Variants in ITPR1 observed in about 807,000 individuals in gnomAD.
ITPR1 encodes inositol 1,4,5-trisphosphate receptor type 1, also known as inositol 1,4,5-trisphosphate-gated calcium channel ITPR1.
In ITPR1, 96 loss-of-function variants were observed where a neutral mutation model predicts 318.4. The ratio of observed to expected loss-of-function variants is 0.30; its 90% CI spans 0.26 to 0.36. The LOEUF (loss-of-function observed/expected upper bound fraction) is 0.36, where lower values mean the gene tolerates loss of function less well. Among genes scored for constraint, ITPR1 ranks in the 10% least tolerant of loss-of-function variants. The pLI is 1.00. For synonymous variants in ITPR1, 1,312 were observed against 1,289.9 expected (o/e 1.02, Z -0.37); for missense variants, 2,440 against 3,460.2 (o/e 0.71, Z 7.40).
chr3:4,600,911 C>T (rs1009598278), intron 4 of ITPR1, among the ~76,000 whole-genome samples: 1 of 152,114 alleles, frequency 6.6e-6, no homozygotes, highest in African/African-American at 2.4e-5. Context: ...GACAGCACAC[C>T]ATGATTTTTG....
At chr3:4,674,914 T>C (rs2094153918) in intron 22 of ITPR1, among the ~76,000 whole-genome samples, 154 bp from the exon 23 acceptor site, 1 of 151,562 alleles carries the variant, frequency 6.6e-6, no homozygotes, top group African/African-American at 2.4e-5. Context: ...TGAAACAAAA[T>C]GAAAATTTAT....
intron 4 of ITPR1, among the ~76,000 whole-genome samples, chr3:4,542,661 A>G: frequency 8.4e-6 from 1 of 119,596 alleles, no homozygotes. Flanking sequence ...ATTGCATTGA[A>G]GCTGTAGCTT....
chr3:4,598,419 A>G (rs898732688), intron 4 of ITPR1, among the ~76,000 whole-genome samples: 1 of 152,178 alleles, frequency 6.6e-6, no homozygotes, highest in African/African-American at 2.4e-5. Flanking sequence ...CAGAAGTTTG[A>G]GACCAGCCTG....
chr3:4,748,156 A>G (rs1265827913), intron 44 of ITPR1, among the ~76,000 whole-genome samples: 1 of 152,200 alleles, frequency 6.6e-6, no homozygotes, highest in Non-Finnish European at 1.5e-5. Context: ...GTCTTACCCA[A>G]AGTCACCCAG....
chr3:4,531,975 G>T (rs1336990858), intron 4 of ITPR1, among the ~76,000 whole-genome samples: 1 of 152,172 alleles, frequency 6.6e-6, no homozygotes, highest in African/African-American at 2.4e-5. Flanking sequence ...CTGGAAAATG[G>T]GGAAATTATT....
Position 4,702,957 on chromosome 3 carries a change from T to C in ITPR1, c.4657+7T>C. 6.2e-7 allele frequency: 1 copy of C among 1,613,308 alleles called. No individual in the cohort carries two copies. The highest frequency in any genetic ancestry group is 8.5e-7 in the Non-Finnish European group (1 of 1,179,358). ...CGGGTGCTGTCTGATGTAGGTAAGA[T>C]ACCAAGTCAGTTTGGATATACGTGA... On this transcript the variant is annotated splice_region_variant and intron_variant, in intron 36 of 61. Transcript: ENST00000649015.
chr3:4,799,710 C>T (rs534485235), intron 53 of ITPR1: 20 of 152,126 alleles, frequency 1.3e-4, no homozygotes, highest in Admixed American at 4.6e-4. Context: ...ATAACCAAGC[C>T]GTCTCGTGGG....
At chr3:4,652,847 G>T (rs2093626230) in intron 11 of ITPR1, among the ~76,000 whole-genome samples, 1 of 152,106 alleles carries the variant, frequency 6.6e-6, no homozygotes, top group African/African-American at 2.4e-5. Flanking sequence ...AATTAGCCAG[G>T]TGTGGTGGTG....
chr3:4,727,185 T>C lies in ITPR1; in HGVS notation c.5220+12T>C. The C allele has an allele frequency of 6.3e-7, 1 of 1,584,118 alleles. No individual in the cohort carries two copies. The highest frequency in any genetic ancestry group is 8.6e-7 in the Non-Finnish European group (1 of 1,169,568). ...AAGACCATAAAAGGGTACGTAGTCT[T>C]GAGTCTTGGGTATCGGGAGCTAATG... is the stretch of plus-strand genomic sequence containing the variant. On this transcript the variant is annotated intron_variant, in intron 42 of 61. Coordinates refer to ENST00000649015, the MANE Select transcript of ITPR1 (RefSeq NM_001378452.1).
intron 32 of ITPR1, among the ~76,000 whole-genome samples, chr3:4,693,080 C>T (rs549057087): frequency 2.0e-5 from 3 of 152,184 alleles, no homozygotes; most frequent in East Asian, 1.9e-4. Context: ...GCCGAGATCA[C>T]GGCATTGCAC....
chr3:4,610,644 G>A (rs537838874), intron 4 of ITPR1, among the ~76,000 whole-genome samples: 4 of 152,108 alleles, frequency 2.6e-5, no homozygotes, highest in Non-Finnish European at 5.9e-5. Flanking sequence ...AGGTACTGAG[G>A]ATGTAGAGTT....
At chr3:4,590,787 G>A (rs1348388679) in intron 4 of ITPR1, among the ~76,000 whole-genome samples, 1 of 151,940 alleles carries the variant, frequency 6.6e-6, no homozygotes, top group East Asian at 1.9e-4. Context: ...AGACAAACAC[G>A]TGTCACGGGG....
intron 7 of ITPR1, among the ~76,000 whole-genome samples, chr3:4,643,912 G>T (rs1280700055): frequency 1.3e-5 from 2 of 149,320 alleles, no homozygotes; most frequent in African/African-American, 5.0e-5. Flanking sequence ...TGTATAATCA[G>T]TGACACTCGA....
chr3:4,835,483 A>G (rs2050834185), intron 60 of ITPR1, among the ~76,000 whole-genome samples: 2 of 152,210 alleles, frequency 1.3e-5, no homozygotes, highest in Admixed American at 1.3e-4. Context: ...CAGGTGGCCC[A>G]CAAAGCTGAA....
At chr3:4,791,524 G>T (rs780929811) in intron 52 of ITPR1, among the ~76,000 whole-genome samples, 1 of 152,154 alleles carries the variant, frequency 6.6e-6, no homozygotes, top group Non-Finnish European at 1.5e-5. Flanking sequence ...GGTAATGCTC[G>T]CTTGCTGCTC....
intron 4 of ITPR1, among the ~76,000 whole-genome samples, chr3:4,534,716 G>A (rs1001465799): frequency 2.6e-5 from 4 of 152,140 alleles, no homozygotes; most frequent in African/African-American, 9.7e-5. Context: ...GTTTTGTGCT[G>A]CTAAAATTAT....
chr3:4,774,767 G>T (rs2046386372), intron 46 of ITPR1, among the ~76,000 whole-genome samples: 1 of 152,176 alleles, frequency 6.6e-6, no homozygotes, highest in Non-Finnish European at 1.5e-5. Flanking sequence ...CATGGCACTG[G>T]GAGTAAGCCA....
chr3:4,597,322 GT>G (rs2090910018), intron 4 of ITPR1, among the ~76,000 whole-genome samples: 1 of 152,194 alleles, frequency 6.6e-6, no homozygotes, highest in Non-Finnish European at 1.5e-5. Context: ...TTAAGGTAAT[GT>G]TTTTTAAATG....
At chr3:4,795,968 G>T (rs1183773496) in intron 53 of ITPR1, among the ~76,000 whole-genome samples, 1 of 152,114 alleles carries the variant, frequency 6.6e-6, no homozygotes, top group African/African-American at 2.4e-5. Flanking sequence ...TTTCATCAGA[G>T]CTTTTTGGCA....
Sources: gnomAD v4.1 joint callset for allele counts (sites outside exome capture counted in the v4.1 genomes callset) on GRCh38, gnomAD v4.1.1 for gene constraint, MANE v1.5 for transcripts, NCBI Gene and HGNC (gene_info 2026-07-23, HGNC 2026-07-21) for gene names.